Variants in TRHDE observed in about 807,000 individuals in gnomAD.
TRHDE encodes thyrotropin-releasing hormone-degrading ectoenzyme.
In TRHDE, 72 loss-of-function variants were observed where a neutral mutation model predicts 125.7. That is an observed-to-expected ratio of 0.57 (90% CI 0.47 to 0.70). The LOEUF (loss-of-function observed/expected upper bound fraction) is 0.70, where lower values mean the gene tolerates loss of function less well. TRHDE is among the 30% of genes least tolerant of loss of function. The pLI is 0.00. For missense variants in TRHDE, 1,110 were observed against 1,327.1 expected (o/e 0.84, Z 2.54); for synonymous variants, 509 against 509.1 (o/e 1.00, Z 0.00).
At position 72,667,029 on chromosome 12, in the gene TRHDE, T is replaced by C. The variant is rs1016100845; in HGVS notation, c.*3834T>C. On this transcript the variant is annotated 3_prime_UTR_variant, in exon 19 of 19. Transcript: ENST00000261180. ...GATAAATTGTGTGCATCTCAATCAG[T>C]AAAAATAATATTCAGTAAAATGTCT... is the stretch of plus-strand genomic sequence containing the variant. 5 of 151,964 alleles carry C rather than the reference T, an allele frequency of 3.3e-5. No individual in the cohort carries two copies. The highest frequency in any genetic ancestry group is 1.2e-4 in the African/African-American group (5 of 41,442). 9.4% of individuals were successfully genotyped at this position (151,964 alleles called of 1,614,324 possible).
chr12:72,387,618 G>A (rs903109985), intron 3 of TRHDE, among the ~76,000 whole-genome samples: 1 of 152,118 alleles, frequency 6.6e-6, no homozygotes, highest in Non-Finnish European at 1.5e-5. Flanking sequence ...ATTCTGATAT[G>A]GTTTGACTGT....
intron 6 of TRHDE, among the ~76,000 whole-genome samples, chr12:72,519,535 A>G (rs1177889029): frequency 6.6e-6 from 1 of 152,054 alleles, no homozygotes; most frequent in Non-Finnish European, 1.5e-5. Flanking sequence ...TATTCTAGTT[A>G]TACATTCTTC....
chr12:72,472,572 C>T (rs1307545179), intron 4 of TRHDE, among the ~76,000 whole-genome samples: 1 of 152,058 alleles, frequency 6.6e-6, no homozygotes, highest in Non-Finnish European at 1.5e-5. Context: ...GCTTACATAC[C>T]TCCTGTGATG....
Position 72,240,172 on chromosome 12 carries a change from C to G in TRHDE, n.279+134420C>G, listed in dbSNP as rs573083491. ...TTCACCTTTTTTCATTTTTAAATCA[C>G]TTATTCAGTTTTATTTTTAAAGTTA... On this transcript the variant is annotated intron_variant and non_coding_transcript_variant, in intron 2 of 4. Transcript: ENST00000548156. 9.9e-5 allele frequency among the ~76,000 whole-genome samples: 15 copies of G among 151,786 alleles called. 2 individuals carry two copies. The South Asian group carries it at 3.1e-3, about 32-fold the overall frequency.
intron 1 of TRHDE, among the ~76,000 whole-genome samples, chr12:72,282,477 A>G (rs761173854): frequency 2.0e-5 from 3 of 152,308 alleles, no homozygotes; most frequent in Non-Finnish European, 4.4e-5. Context: ...TATGCAGTGA[A>G]GACAAAATTA....
chr12:72,422,248 A>C (rs562201685), intron 3 of TRHDE, among the ~76,000 whole-genome samples: 1 of 152,296 alleles, frequency 6.6e-6, no homozygotes, highest in African/African-American at 2.4e-5. Flanking sequence ...AAACAATGAC[A>C]AGAGTTTGAA....
At chr12:72,136,696 T>A (rs1875993495) in intron 2 of TRHDE, among the ~76,000 whole-genome samples, 1 of 152,206 alleles carries the variant, frequency 6.6e-6, no homozygotes, top group Admixed American at 6.5e-5. Flanking sequence ...AGAGGGAATA[T>A]CCAATTGAAG....
intron 3 of TRHDE, 150 bp from the exon 4 acceptor site, chr12:72,469,607 TA>T (rs1876547394): frequency 4.1e-6 from 3 of 722,992 alleles, no homozygotes; most frequent in Non-Finnish European, 6.8e-6. Context: ...TGCTGTCATG[TA>T]AAAATGGCAA....
At chr12:72,325,358 T>C (rs1413739528) in intron 2 of TRHDE, among the ~76,000 whole-genome samples, 1 of 152,136 alleles carries the variant, frequency 6.6e-6, no homozygotes, top group Admixed American at 6.6e-5. Flanking sequence ...TTTATGTATT[T>C]TCACATGTAT....
intron 3 of TRHDE, among the ~76,000 whole-genome samples, chr12:72,422,573 T>C (rs1874004821): frequency 1.3e-5 from 2 of 152,196 alleles, no homozygotes; most frequent in Admixed American, 6.5e-5. Flanking sequence ...CTTTAAAGAA[T>C]ACAGAATGCT....
chr12:72,290,626 C>T (rs1880052034), intron 2 of TRHDE, among the ~76,000 whole-genome samples: 2 of 152,266 alleles, frequency 1.3e-5, no homozygotes, highest in Admixed American at 1.3e-4. Context: ...TGTGACTTAA[C>T]AGCTAGGGGC....
chr12:72,601,480 AT>A (rs753377648), intron 12 of TRHDE, among the ~76,000 whole-genome samples: 5 of 152,150 alleles, frequency 3.3e-5, no homozygotes, highest in Non-Finnish European at 5.9e-5. Flanking sequence ...TTGATTAAGT[AT>A]GGTTTGAGAG....
chr12:72,106,710 T>C (rs1051304769), intron 2 of TRHDE, among the ~76,000 whole-genome samples: 2 of 152,258 alleles, frequency 1.3e-5, no homozygotes, highest in Non-Finnish European at 2.9e-5. Context: ...TGTAAAAGCA[T>C]TGATAATTTA....
intron 3 of TRHDE, among the ~76,000 whole-genome samples, chr12:72,400,829 T>C (rs1245999140): frequency 6.6e-6 from 1 of 152,168 alleles, no homozygotes; most frequent in African/African-American, 2.4e-5. Context: ...TGTGTCTTCT[T>C]ACCTAGAGCA....
intron 15 of TRHDE, among the ~76,000 whole-genome samples, chr12:72,645,539 G>A (rs1874245534): frequency 6.6e-6 from 1 of 151,988 alleles, no homozygotes; most frequent in African/African-American, 2.4e-5. Context: ...TAAAGAGAAA[G>A]GACTAGACAG....
chr12:72,391,962 G>A (rs535793399), intron 3 of TRHDE, among the ~76,000 whole-genome samples: 1 of 152,208 alleles, frequency 6.6e-6, no homozygotes, highest in East Asian at 1.9e-4. Flanking sequence ...CTTTATTAAG[G>A]CCAAATTAGG....
chr12:72,578,787 C>G (rs1445421991), intron 12 of TRHDE, among the ~76,000 whole-genome samples: 1 of 152,090 alleles, frequency 6.6e-6, no homozygotes, highest in Non-Finnish European at 1.5e-5. Context: ...TCTAGTCATT[C>G]TTTATTTGGT....
chr12:72,587,377 G>C (rs1467107413), intron 12 of TRHDE, among the ~76,000 whole-genome samples: 1 of 151,970 alleles, frequency 6.6e-6, no homozygotes, highest in East Asian at 1.9e-4. Flanking sequence ...GCAATACGTA[G>C]GTTATTTCAA....
chr12:72,561,391 A>G (rs975932086), intron 7 of TRHDE, among the ~76,000 whole-genome samples: 13 of 152,146 alleles, frequency 8.5e-5, no homozygotes, highest in Non-Finnish European at 1.6e-4. Flanking sequence ...ATATAACACT[A>G]TTTTCATATT....
Sources: allele counts gnomAD v4.1 joint callset (sites outside exome capture counted in the v4.1 genomes callset), GRCh38; gene constraint gnomAD v4.1.1; transcripts MANE v1.5; gene names NCBI Gene and HGNC (gene_info 2026-07-23, HGNC 2026-07-21).